TMCO5A: variants seen among roughly 807,000 people sequenced by gnomAD.
TMCO5A encodes transmembrane and coiled-coil domains 5A, also known as transmembrane and coiled-coil domain-containing protein 5A.
In TMCO5A, 34 loss-of-function variants were observed where a neutral mutation model predicts 42.3. The ratio of observed to expected loss-of-function variants is 0.80; its 90% CI spans 0.61 to 1.07. TMCO5A has a LOEUF of 1.07. TMCO5A is among the 50% of genes least tolerant of loss of function. TMCO5A has a pLI of 0.00. For synonymous variants in TMCO5A, 131 were observed against 115.6 expected (o/e 1.13, Z -0.86); for missense variants, 357 against 327.9 (o/e 1.09, Z -0.69).
rs1889777708 is a variant in TMCO5A at position 37,942,347 on chromosome 15, G to T, written c.569+92G>T. 2.4e-6 allele frequency: 3 copies of T among 1,225,050 alleles called. No homozygotes were observed. The East Asian group carries it at 7.0e-5, about 29-fold the overall frequency. 75.9% of individuals were successfully genotyped at this position (1,225,050 alleles called of 1,614,324 possible). A position where few individuals can be genotyped will look rare whatever the true frequency, so the allele number is the denominator to read the frequency against. On this transcript the variant is annotated intron_variant, in intron 9 of 11. Coordinates refer to ENST00000319669, the MANE Select transcript of TMCO5A (RefSeq NM_152453.4). The stretch of plus-strand genomic sequence containing the variant: ...CAGTTCTCAGACCAATTTCTATTTG[G>T]AATTGAATGAGTCCCGACGCCACAT...
intron 10 of TMCO5A, among the ~76,000 whole-genome samples, chr15:37,947,320 T>G (rs1462532507): frequency 6.6e-6 from 1 of 152,020 alleles, no homozygotes; most frequent in African/African-American, 2.4e-5. Context: ...GAGCAGAAGA[T>G]AGAATGGTAT....
At chr15:37,943,217 G>T in intron 9 of TMCO5A, 124 bp from the exon 10 acceptor site, 1 of 764,022 alleles carries the variant, frequency 1.3e-6, no homozygotes, top group South Asian at 2.1e-5. Context: ...GCTATAGGTA[G>T]ACAGTAGTTA....
chr15:37,979,039 T>A, the TMCO5A span, among the ~76,000 whole-genome samples: 1 of 150,984 alleles, frequency 6.6e-6, no homozygotes, highest in Non-Finnish European at 1.5e-5. Context: ...TCCAATCACC[T>A]CCCACCAGGC....
the TMCO5A span, among the ~76,000 whole-genome samples, chr15:38,012,923 T>C: frequency 1.3e-5 from 2 of 152,150 alleles, no homozygotes; most frequent in African/African-American, 4.8e-5. Context: ...GAGGTCTGAA[T>C]GAGAGAACCC....
intron 11 of TMCO5A, among the ~76,000 whole-genome samples, chr15:37,959,733 C>CA (rs1397849217): frequency 1.3e-5 from 2 of 151,960 alleles, no homozygotes; most frequent in Non-Finnish European, 2.9e-5. Flanking sequence ...TAGTATCATA[C>CA]TGAATAAGGA....
chr15:38,001,955 A>G, the TMCO5A span, among the ~76,000 whole-genome samples: 2 of 152,144 alleles, frequency 1.3e-5, no homozygotes, highest in Non-Finnish European at 2.9e-5. Flanking sequence ...TAGATTACAC[A>G]CCACAATTAT....
the TMCO5A span, among the ~76,000 whole-genome samples, chr15:38,026,788 T>C: frequency 6.6e-6 from 1 of 152,212 alleles, no homozygotes; most frequent in Admixed American, 6.5e-5. Context: ...CTTGTTGCCC[T>C]GCATCCCAGC....
At chr15:38,013,658 G>T in the TMCO5A span, among the ~76,000 whole-genome samples, 42 of 152,126 alleles carry the variant, frequency 2.8e-4, no homozygotes, top group Admixed American at 2.7e-3. Context: ...TTTTGAGTTT[G>T]ATAGACCCAA....
chr15:38,017,550 G>T, the TMCO5A span, among the ~76,000 whole-genome samples: 2,500 of 152,206 alleles, frequency 0.016, 56 homozygotes, highest in African/African-American at 0.052. Context: ...AGCACTCAGT[G>T]GTACAGGAAA....
chr15:37,985,986 A>G, the TMCO5A span, among the ~76,000 whole-genome samples: 2 of 152,148 alleles, frequency 1.3e-5, no homozygotes, highest in African/African-American at 2.4e-5. Context: ...ATGTGCCATT[A>G]TCATCCTTAT....
chr15:37,941,173 T>C lies in TMCO5A; in HGVS notation c.412T>C (p.Ser138Pro). Reference sequence around the variant, plus strand: ...GGTTAAGTTACAACAGCTGGAAGCTTCCTATGCATGCCAAGAGAAGGAGCT... The same window carrying C: ...GGTTAAGTTACAACAGCTGGAAGCTCCCTATGCATGCCAAGAGAAGGAGCT... ...TKVKLQQLEA[S>P]YACQEKELLK... The change falls in exon 7 of 12, where the codon TCC becomes CCC. Residue 138 changes from serine to proline, a missense_variant. Physicochemically the swap from Ser to Pro is moderately conservative, Grantham distance 74. Coordinates refer to ENST00000319669, the MANE Select transcript of TMCO5A (RefSeq NM_152453.4). 1.9e-6 allele frequency: 3 copies of C among 1,613,250 alleles called. No individual in the cohort carries two copies. The highest frequency in any genetic ancestry group is 2.5e-6 in the Non-Finnish European group (3 of 1,179,568).
chr15:38,015,630 C>T, the TMCO5A span, among the ~76,000 whole-genome samples: 1 of 152,154 alleles, frequency 6.6e-6, no homozygotes, highest in Non-Finnish European at 1.5e-5. Flanking sequence ...TTATTCTTAA[C>T]AGTCAAAGCT....
At chr15:38,011,504 A>G in the TMCO5A span, among the ~76,000 whole-genome samples, 5 of 152,210 alleles carry the variant, frequency 3.3e-5, no homozygotes, top group Non-Finnish European at 5.9e-5. Context: ...GTTAGAAGTG[A>G]GTCACTAGGT....
chr15:37,990,494 A>G, the TMCO5A span, among the ~76,000 whole-genome samples: 1 of 152,044 alleles, frequency 6.6e-6, no homozygotes, highest in Non-Finnish European at 1.5e-5. Flanking sequence ...TAACCTATTC[A>G]TATCTCTGGA....
At chr15:37,945,718 G>T (rs544634971) in intron 10 of TMCO5A, among the ~76,000 whole-genome samples, 13 of 151,894 alleles carry the variant, frequency 8.6e-5, no homozygotes, top group South Asian at 8.3e-4. Flanking sequence ...TTTTAGTGAG[G>T]TTGTTTTTTT....
chr15:38,020,735 T>G, the TMCO5A span, among the ~76,000 whole-genome samples: 5 of 152,254 alleles, frequency 3.3e-5, no homozygotes, highest in South Asian at 2.1e-4. Context: ...ATAATTTTAT[T>G]TGTCAATTAT....
the TMCO5A span, among the ~76,000 whole-genome samples, chr15:38,015,009 C>T: frequency 1.3e-4 from 20 of 150,638 alleles, no homozygotes; most frequent in Admixed American, 1.1e-3. Flanking sequence ...ACTTGGAGTC[C>T]GATGTTAGAG....
chr15:38,008,351 AT>A, the TMCO5A span, among the ~76,000 whole-genome samples: 7 of 152,174 alleles, frequency 4.6e-5, no homozygotes, highest in Non-Finnish European at 8.8e-5. Context: ...AGCTAAAGAG[AT>A]AAAGTGTGGT....
At chr15:37,996,197 A>G in the TMCO5A span, among the ~76,000 whole-genome samples, 1 of 152,180 alleles carries the variant, frequency 6.6e-6, no homozygotes, top group Non-Finnish European at 1.5e-5. Context: ...GATGTGTGCA[A>G]TCTTGGCACA....
Sources: allele counts gnomAD v4.1 joint callset (sites outside exome capture counted in the v4.1 genomes callset), GRCh38; gene constraint gnomAD v4.1.1; transcripts MANE v1.5; gene names NCBI Gene and HGNC (gene_info 2026-07-23, HGNC 2026-07-21).